Variants in PDE10A observed in about 807,000 individuals in gnomAD.
The protein encoded by PDE10A is phosphodiesterase 10A, also known as cAMP and cAMP-inhibited cGMP 3',5'-cyclic phosphodiesterase 10A.
A neutral mutation model predicts 97.7 loss-of-function variants in PDE10A; 39 were observed. That is an observed-to-expected ratio of 0.40 (90% CI 0.31 to 0.52). The LOEUF is 0.52. Ranked by LOEUF, PDE10A falls within the 20% of genes least tolerant of loss-of-function variation. The pLI is 0.56. For synonymous variants in PDE10A, 371 were observed against 376.8 expected, an observed-to-expected ratio of 0.98 and a Z score of 0.18; for missense variants, 731 against 1,047.8, an observed-to-expected ratio of 0.70 and a Z score of 4.17.
intron 1 of PDE10A, among the ~76,000 whole-genome samples, chr6:165,905,783 G>A (rs1270036972): frequency 3.3e-5 from 5 of 152,012 alleles, no homozygotes; most frequent in Non-Finnish European, 5.9e-5. Context: ...GAGCTGGAAA[G>A]ACTGCATGCA....
intron 1 of PDE10A, among the ~76,000 whole-genome samples, chr6:165,765,704 C>G (rs576445184): frequency 2.6e-5 from 4 of 152,094 alleles, no homozygotes; most frequent in Non-Finnish European, 4.4e-5. Context: ...AGTGGGCTCC[C>G]GCCTTGGCCA....
rs78395667 is a variant in PDE10A, at chr6:165,742,276, C to G, written c.-614-198708G>C. Among the ~76,000 whole-genome samples, 440 of 152,328 alleles carry G rather than the reference C, an allele frequency of 2.9e-3. 4 individuals are homozygous for G. Among genetic ancestry groups the G allele is most frequent in the African/African-American group, 0.01 (420 of 41,572 alleles). On this transcript the variant is annotated intron_variant, in intron 1 of 19. Transcript: ENST00000366882. ...GTCAGAATTGAAATCGGCCCCCTTG[C>G]AGCCCTAACGCAATAGTTAACATCT...
chr6:165,929,978 G>A (rs772028887), intron 1 of PDE10A, among the ~76,000 whole-genome samples: 5 of 151,178 alleles, frequency 3.3e-5, no homozygotes, highest in Non-Finnish European at 4.4e-5. Flanking sequence ...CACTCCAGGC[G>A]TGAAGGCGGC....
chr6:165,943,175 A>AAAAGAAAGAAAG (rs1210872117), intron 1 of PDE10A, among the ~76,000 whole-genome samples: 17 of 68,490 alleles, frequency 2.5e-4, no homozygotes, highest in Non-Finnish European at 4.2e-4. Flanking sequence ...AAAGAAAGAA[A>AAAAGAAAGAAAG]AAAGAAAGAA....
chr6:165,574,754 AC>A (rs1217231514), intron 1 of PDE10A, among the ~76,000 whole-genome samples: 1 of 152,214 alleles, frequency 6.6e-6, no homozygotes, highest in African/African-American at 2.4e-5. Context: ...ACTATCTCAA[AC>A]TAATACACCT....
intron 1 of PDE10A, among the ~76,000 whole-genome samples, chr6:165,709,231 T>A (rs569168774): frequency 3.4e-4 from 38 of 111,022 alleles, no homozygotes; most frequent in African/African-American, 1.3e-3. Context: ...CTCTACCCCA[T>A]GCTCCCGTGC....
intron 1 of PDE10A, among the ~76,000 whole-genome samples, chr6:165,687,602 A>G (rs899840542): frequency 1.3e-5 from 2 of 152,186 alleles, no homozygotes; most frequent in Admixed American, 6.5e-5. Flanking sequence ...GATTCTTTCT[A>G]CAAGCACACA....
At chr6:165,534,556 AC>A (rs1256035223) in intron 2 of PDE10A, among the ~76,000 whole-genome samples, 2 of 152,080 alleles carry the variant, frequency 1.3e-5, no homozygotes, top group Non-Finnish European at 2.9e-5. Flanking sequence ...TCAACAAAAT[AC>A]TAAAAAACTA....
rs79215287 is a variant in PDE10A, at chr6:165,531,317, G to A, written c.994+12123C>T. Reference sequence around the variant, plus strand: ...GTGTCTAATGCTTAGCAAGCGTTACGCACATACTAGATATTTGGTAAAACT... The same window carrying A: ...GTGTCTAATGCTTAGCAAGCGTTACACACATACTAGATATTTGGTAAAACT... On this transcript the variant is annotated intron_variant, in intron 2 of 21. Transcript: ENST00000539869. 6.2e-3 allele frequency among the ~76,000 whole-genome samples: 934 copies of A among 151,132 alleles called. 9 individuals carry two copies. Among genetic ancestry groups the A allele is most frequent in the African/African-American group, 0.022 (887 of 41,010 alleles).
chr6:165,734,063 G>C (rs1163109674), intron 1 of PDE10A, among the ~76,000 whole-genome samples: 1 of 152,184 alleles, frequency 6.6e-6, no homozygotes, highest in African/African-American at 2.4e-5. Context: ...CTCCAGAAGG[G>C]CTCCATTCCC....
At chr6:165,969,035 A>T (rs1271512923) in intron 1 of PDE10A, among the ~76,000 whole-genome samples, 3 of 152,242 alleles carry the variant, frequency 2.0e-5, no homozygotes, top group Admixed American at 1.3e-4. Context: ...AAGCATTCCC[A>T]TAAAGTCTTC....
intron 1 of PDE10A, among the ~76,000 whole-genome samples, chr6:165,878,351 G>T (rs1583224108): frequency 6.6e-6 from 1 of 152,150 alleles, no homozygotes; most frequent in East Asian, 1.9e-4. Context: ...GCGTTAAGTT[G>T]CCAGAAAACG....
intron 1 of PDE10A, among the ~76,000 whole-genome samples, chr6:165,873,135 C>T (rs552079475): frequency 4.6e-5 from 7 of 152,146 alleles, no homozygotes; most frequent in Non-Finnish European, 1.0e-4. Flanking sequence ...AGCCAGATCC[C>T]CCCAAAGCCC....
chr6:165,938,421 C>T (rs531900143), intron 1 of PDE10A, among the ~76,000 whole-genome samples: 42 of 152,302 alleles, frequency 2.8e-4, no homozygotes, highest in African/African-American at 1.0e-3. Flanking sequence ...TATAGCTTAT[C>T]CATGTTATAC....
At chr6:165,939,240 C>A (rs1465730289) in intron 1 of PDE10A, among the ~76,000 whole-genome samples, 1 of 152,278 alleles carries the variant, frequency 6.6e-6, no homozygotes, top group South Asian at 2.1e-4. Flanking sequence ...CTTGTTCTTG[C>A]GTTCAGATAG....
At chr6:165,605,683 G>A (rs997987997) in intron 1 of PDE10A, among the ~76,000 whole-genome samples, 1 of 152,060 alleles carries the variant, frequency 6.6e-6, no homozygotes, top group Non-Finnish European at 1.5e-5. Flanking sequence ...ATTTGTGGCA[G>A]GCTGTTGAGT....
At chr6:165,560,741 T>C (rs998323850) in intron 1 of PDE10A, among the ~76,000 whole-genome samples, 13 of 152,328 alleles carry the variant, frequency 8.5e-5, no homozygotes, top group Middle Eastern at 3.4e-3. Context: ...CTTTGTTTAG[T>C]GTAAGCACAA....
At chr6:165,396,516 T>C in intron 13 of PDE10A, 57 bp from the exon 14 acceptor site, 1 of 1,523,318 alleles carries the variant, frequency 6.6e-7, no homozygotes, top group Non-Finnish European at 8.9e-7. Flanking sequence ...TTAAACTGTT[T>C]TGTCACGGAA....
At position 165,711,715 on chromosome 6, in the gene PDE10A, A is replaced by G. The variant is rs1791899902; in HGVS notation, c.-614-168147T>C. Among the ~76,000 whole-genome samples, 1 of 152,226 alleles carries G rather than the reference A, an allele frequency of 6.6e-6. No homozygotes were observed. The highest frequency in any genetic ancestry group is 1.5e-5 in the Non-Finnish European group (1 of 68,048). On this transcript the variant is annotated intron_variant, in intron 1 of 19. Transcript: ENST00000366882. This position sits in a 1 kb window ranked among gnomAD's most constrained non-coding sequence, Gnocchi z 4.5. ...GCTGAGCTACGTTCAGCTCAGGCAC[A>G]AGCCTGTTCAGAACAACCCAGGAAC...
Sources: allele counts gnomAD v4.1 joint callset (sites outside exome capture counted in the v4.1 genomes callset), GRCh38; gene constraint gnomAD v4.1.1; non-coding constraint Gnocchi (gnomAD v3.1); transcripts MANE v1.5; gene names NCBI Gene and HGNC (gene_info 2026-07-23, HGNC 2026-07-21).